Variants in HOOK2 observed in about 807,000 individuals in gnomAD.
HOOK2 encodes the protein protein Hook homolog 2.
Under a neutral mutation model 111.9 loss-of-function variants are expected in HOOK2, and 108 were observed. The observed-to-expected ratio is 0.96, with a 90% CI of 0.83 to 1.13. The LOEUF is 1.13. HOOK2 is among the 50% of genes most tolerant of loss of function. The pLI is 0.00. For synonymous variants in HOOK2, 405 were observed against 394.3 expected (o/e 1.03, Z -0.32); for missense variants, 978 against 951.3 (o/e 1.03, Z -0.37).
At chr19:12,767,293 C>T in intron 14 of HOOK2, 102 bp downstream of exon 14, 1 of 1,006,238 alleles carries the variant, frequency 9.9e-7, no homozygotes, top group Non-Finnish European at 1.5e-6. Context: ...GAGCTGAGAC[C>T]AAGCAACCGG....
In HOOK2 at chr19:12,771,466, G is replaced by C. The variant is rs773166705; in HGVS notation, c.531C>G (p.Tyr177Ter). The change falls in exon 8 of 23, where the codon TAC (tyrosine) becomes TAG (stop). Residue 177 changes from tyrosine (Y) to a stop codon, truncating the protein, a stop_gained. Coordinates refer to ENST00000397668, the MANE Select transcript of HOOK2 (RefSeq NM_013312.3). LOFTEE classifies it high-confidence loss of function. Reference protein sequence around the residue: ...YGNFDSQSRRYYFLSEEAEEG... With the variant: ...YGNFDSQSRR ...CCTCAGCCTCCTCACTTAGGAAATA[G>C]TACCTGCGGGACTGCAGAGATGAGG... The C allele has an allele frequency of 6.2e-7, 1 of 1,612,402 alleles. No individual in the cohort carries two copies. The highest frequency in any genetic ancestry group is 8.5e-7 in the Non-Finnish European group (1 of 1,179,276).
chr19:12,768,794 T>A (rs577088752), intron 11 of HOOK2, among the ~76,000 whole-genome samples: 70 of 151,376 alleles, frequency 4.6e-4, no homozygotes, highest in African/African-American at 1.7e-3. Context: ...TTTCTTTTTT[T>A]AATATCTTTT....
chr19:12,770,983 G>C lies in HOOK2; in HGVS notation c.851C>G (p.Thr284Ser). The change falls in exon 10 of 23, where the codon ACT becomes AGT. Residue 284 changes from threonine to serine, a missense_variant. Coordinates refer to ENST00000397668, the MANE Select transcript of HOOK2 (RefSeq NM_013312.3). ...GGCCTGTGCCTCCTGGGCCAGGCTA[G>C]TCAGCGCCTGGTTCCGGTGCTGCAG... ...AELQHRNQAL[T>S]SLAQEAQALK... is the part of the protein sequence containing the mutation. 1 of 1,611,848 alleles carries C rather than the reference G, an allele frequency of 6.2e-7. No individual in the cohort carries two copies. Among genetic ancestry groups the C allele is most frequent in the Non-Finnish European group, 8.5e-7 (1 of 1,179,336 alleles).
In HOOK2 at chr19:12,771,439, C is replaced by A. The variant is rs539743854; in HGVS notation, c.558G>T (p.Glu186Asp). The part of the protein sequence containing the change: ...RYYFLSEEAE[E>D]GDELQQRCLD... ...GACAGCGCTGCTGTAATTCGTCCCCCTCCTCAGCCTCCTCACTTAGGAAAT... is the reference window on the plus strand; with the variant it reads ...GACAGCGCTGCTGTAATTCGTCCCCATCCTCAGCCTCCTCACTTAGGAAAT... Residue 186 changes from glutamate (E) to aspartate (D), a missense_variant, in exon 8 of 23, where the codon GAG becomes GAT. Around this residue, in one of 5 missense-constraint regions of HOOK2, gnomAD observed 301 missense variants for 286.1 expected, o/e 1.05. Transcript: ENST00000397668. 8.7e-6 allele frequency: 14 copies of A among 1,613,504 alleles called. No homozygotes were observed. The highest frequency in any genetic ancestry group is 1.2e-5 in the Non-Finnish European group (14 of 1,179,790).
At chr19:12,769,165 C>T (rs1331115085) in intron 11 of HOOK2, among the ~76,000 whole-genome samples, 1 of 151,948 alleles carries the variant, frequency 6.6e-6, no homozygotes, top group African/African-American at 2.4e-5. Flanking sequence ...TGGGGTTTCA[C>T]CGTGTTAGCC....
At chr19:12,764,159 C>CACCCACCACCATGCCCA (rs1261485704) in intron 20 of HOOK2, among the ~76,000 whole-genome samples, 1 of 151,568 alleles carries the variant, frequency 6.6e-6, no homozygotes, top group African/African-American at 2.4e-5. Flanking sequence ...GGATTACAGG[C>CACCCACCACCATGCCCA]GCATGTTACC....
chr19:12,784,223 G>A (rs1482490096), intron 3 of HOOK2, among the ~76,000 whole-genome samples: 1 of 152,106 alleles, frequency 6.6e-6, no homozygotes, highest in Non-Finnish European at 1.5e-5. Context: ...GACAGGGGGC[G>A]GGCGGGGGGC....
chr19:12,764,752 T>C lies in HOOK2; in HGVS notation c.1827+62A>G, dbSNP rs1968098266. On this transcript the variant is annotated intron_variant, in intron 20 of 22. Coordinates refer to ENST00000397668, the MANE Select transcript of HOOK2 (RefSeq NM_013312.3). ...TGTGCAAGCAGGAGGTTTGACTCAATAGGAGGCACAAAAAGTAAGAAGCCA... is the reference window on the plus strand; with the variant it reads ...TGTGCAAGCAGGAGGTTTGACTCAACAGGAGGCACAAAAAGTAAGAAGCCA... The C allele has an allele frequency of 3.2e-5, 46 of 1,425,078 alleles. No individual in the cohort carries two copies. In the South Asian group the frequency reaches 4.9e-4, roughly 15 times the overall value. The allele number at this position is 1,425,078 out of a possible 1,614,324, so 88.3% of individuals were successfully genotyped here. A position where few individuals can be genotyped will look rare whatever the true frequency, so the allele number is the denominator to read the frequency against.
chr19:12,781,348 A>G (rs1968599624), upstream of HOOK2, among the ~76,000 whole-genome samples: 1 of 150,874 alleles, frequency 6.6e-6, no homozygotes, highest in African/African-American at 2.4e-5. Context: ...AGAAAAAGAG[A>G]CAGAGTCTCG....
rs539403494 is a variant in HOOK2, at chr19:12,786,748, C to G, written n.42-12523G>C. Among the ~76,000 whole-genome samples the G allele has an allele frequency of 6.6e-6, 1 of 152,298 alleles. No individual in the cohort carries two copies. Among genetic ancestry groups the G allele is most frequent in the Admixed American group, 6.5e-5 (1 of 15,310 alleles). On this transcript the variant is annotated intron_variant and non_coding_transcript_variant, in intron 3 of 3. Transcript: ENST00000589765. This position sits in a 1 kb window ranked among gnomAD's most constrained non-coding sequence, Gnocchi z 4.3. Reference sequence around the variant, plus strand: ...TGGGCCCCCGCCCTCCCTGTCTGGCCCAATCTCCACCCCGTGCTCAAACAC... The same window carrying G: ...TGGGCCCCCGCCCTCCCTGTCTGGCGCAATCTCCACCCCGTGCTCAAACAC...
Position 12,772,189 on chromosome 19 carries a change from CCTGG to C in HOOK2, c.516_519del (p.Gln173ProfsTer7). The C allele has an allele frequency of 6.2e-7, 1 of 1,610,118 alleles. No homozygotes were observed. The highest frequency in any genetic ancestry group is 1.3e-5 in the African/African-American group (1 of 74,968). On this transcript the variant is annotated frameshift_variant and splice_region_variant, in exon 7 of 23. Coordinates refer to ENST00000397668, the MANE Select transcript of HOOK2 (RefSeq NM_013312.3). LOFTEE classifies it high-confidence loss of function. ...GAACACCTTTCCCCCAAATCTCTTA[CCTGG>C]CTGTCAAAGTTGCCATACGTCTCTG...
intron 3 of HOOK2, among the ~76,000 whole-genome samples, chr19:12,789,897 C>G (rs906869311): frequency 6.6e-6 from 1 of 152,100 alleles, no homozygotes; most frequent in Non-Finnish European, 1.5e-5. Context: ...TCGGGTTCCC[C>G]GCTTCTGGCT....
chr19:12,787,794 C>T (rs555131346), intron 3 of HOOK2, among the ~76,000 whole-genome samples: 6 of 152,236 alleles, frequency 3.9e-5, no homozygotes, highest in South Asian at 2.1e-4. Context: ...TGGTGGCCCA[C>T]GCCTGTAATC....
chr19:12,775,461 G>A lies in HOOK2; in HGVS notation c.-12C>T, dbSNP rs761613480. 12 of 1,610,878 alleles carry A rather than the reference G, an allele frequency of 7.4e-6. No homozygotes were observed. The South Asian group carries it at 1.2e-4, about 16-fold the overall frequency. On this transcript the variant is annotated 5_prime_UTR_variant, in exon 1 of 23. Transcript: ENST00000397668. ...TTGTCCACGCTCATGGCTCCCGATC[G>A]GATTCAATCCAGGCCACGGAGCCCC... is the stretch of plus-strand genomic sequence containing the variant.
chr19:12,767,849 C>T lies in HOOK2; in HGVS notation c.1270G>A (p.Ala424Thr), dbSNP rs756706415. The stretch of plus-strand genomic sequence containing the variant: ...GTCAACCCCCGCGGCTGCAGCTGGG[C>T]GCAGCGCAGCTCCTCATTGGCCTCC... ...LREANEELRCAQLQPRGLTQA... is the reference protein window; with the variant it reads ...LREANEELRCTQLQPRGLTQA... Residue 424 changes from alanine (A) to threonine (T), a missense_variant, in exon 13 of 23, where the codon GCC (alanine) becomes ACC (threonine). This residue lies in a region of HOOK2 where 388 missense variants were observed against 358.3 expected (regional missense o/e 1.08). Transcript: ENST00000397668. The T allele has an allele frequency of 2.7e-5, 44 of 1,605,306 alleles. No homozygotes were observed. The highest frequency in any genetic ancestry group is 4.5e-5 in the East Asian group (2 of 44,900).
chr19:12,773,242 T>C (rs1336119437), intron 3 of HOOK2, 198 bp from the exon 4 acceptor site: 21 of 563,614 alleles, frequency 3.7e-5, no homozygotes, highest in Middle Eastern at 4.7e-4. Flanking sequence ...TTTTTTTTTT[T>C]TTTTTTTTTT....
Position 12,774,722 on chromosome 19 carries a change from C to G in HOOK2, c.151G>C (p.Glu51Gln). The G allele has an allele frequency of 6.2e-7, 1 of 1,614,156 alleles. No homozygotes were observed. Among genetic ancestry groups the G allele is most frequent in the South Asian group, 1.1e-5 (1 of 91,084 alleles). Residue 51 changes from glutamate (E) to glutamine (Q), a missense_variant, in exon 3 of 23, where the codon GAG becomes CAG. By Grantham distance (29) the Glu-to-Gln change is conservative (BLOSUM62 2). Coordinates refer to ENST00000397668, the MANE Select transcript of HOOK2 (RefSeq NM_013312.3). ...TCCGAGATGCCCTGGAGCCATGCCTCGTTGAACCAGGAGGGGTCTCTGGGG... is the reference window on the plus strand; with the variant it reads ...TCCGAGATGCCCTGGAGCCATGCCTGGTTGAACCAGGAGGGGTCTCTGGGG... Reference protein sequence around the residue: ...LNQIDPSWFNEAWLQGISEDP... With the variant: ...LNQIDPSWFNQAWLQGISEDP...
chr19:12,768,624 T>A (rs1022029267), intron 11 of HOOK2, among the ~76,000 whole-genome samples: 3 of 151,856 alleles, frequency 2.0e-5, no homozygotes, highest in African/African-American at 4.9e-5. Context: ...TTTTCTTTTT[T>A]AAAAAAAATT....
intron 3 of HOOK2, among the ~76,000 whole-genome samples, chr19:12,785,830 C>T (rs183150816): frequency 3.5e-4 from 54 of 152,326 alleles, no homozygotes; most frequent in African/African-American, 1.1e-3. Flanking sequence ...CTGGCACTTC[C>T]TCTCTCCAAA....
Sources: gnomAD v4.1 joint callset for allele counts (sites outside exome capture counted in the v4.1 genomes callset) on GRCh38, gnomAD v4.1.1 for gene constraint, gnomAD v4.1.1 regional missense constraint, Gnocchi (gnomAD v3.1) non-coding constraint, MANE v1.5 for transcripts, NCBI Gene and HGNC (gene_info 2026-07-23, HGNC 2026-07-21) for gene names.